The following RABGEF1 variants were observed in gnomAD, a reference collection of about 807,000 sequenced individuals.
RABGEF1 encodes the protein rab5 GDP/GTP exchange factor.
RABGEF1 carries 26 observed loss-of-function variants against 57.3 expected under a neutral mutation model. The ratio of observed to expected loss-of-function variants is 0.45; its 90% CI spans 0.33 to 0.63. The LOEUF (loss-of-function observed/expected upper bound fraction) is 0.63, where lower values mean the gene tolerates loss of function less well. RABGEF1 is among the 20% of genes least tolerant of loss of function. The pLI, the probability that RABGEF1 is intolerant of heterozygous loss-of-function variation, is 0.02. For missense variants in RABGEF1, 464 were observed against 607.6 expected (o/e 0.76, Z 2.48); for synonymous variants, 185 against 210.7 (o/e 0.88, Z 1.06).
the RABGEF1 span, among the ~76,000 whole-genome samples, chr7:66,666,464 G>A: frequency 1.9e-4 from 29 of 152,342 alleles, no homozygotes; most frequent in Non-Finnish European, 3.2e-4. Context: ...AACTGAGGCC[G>A]AAGTGAGCCA....
At chr7:66,708,628 A>G (rs1794413633) in intron 1 of RABGEF1, among the ~76,000 whole-genome samples, 1 of 151,810 alleles carries the variant, frequency 6.6e-6, no homozygotes, top group Non-Finnish European at 1.5e-5. Context: ...ACATAGGGAG[A>G]CTCCATCTCT....
rs534957056 is a variant in RABGEF1, at chr7:66,692,975, G to A, written c.-873+10717G>A. 6.6e-5 allele frequency among the ~76,000 whole-genome samples: 10 copies of A among 152,274 alleles called. 1 individual carries two copies. In the South Asian group the frequency reaches 2.1e-3, roughly 32 times the overall value. On this transcript the variant is annotated intron_variant and NMD_transcript_variant, in intron 1 of 9. Transcript: ENST00000607882. ...AGGCTCAAGGCCCCCCATGCCGGAA[G>A]GGGCTGGCACCTCCCTGCTGGGGAT...
the RABGEF1 span, among the ~76,000 whole-genome samples, chr7:66,667,889 C>T: frequency 6.6e-6 from 1 of 152,154 alleles, no homozygotes; most frequent in Non-Finnish European, 1.5e-5. Flanking sequence ...CCTCTACCTC[C>T]CGGGTTCAAG....
intron 2 of RABGEF1, among the ~76,000 whole-genome samples, chr7:66,725,837 C>A (rs1212446305): frequency 6.6e-6 from 1 of 152,208 alleles, no homozygotes; most frequent in East Asian, 1.9e-4. Context: ...GGGAGTTACA[C>A]CCATGCTTTG....
At chr7:66,790,072 C>T (rs141125871) in intron 4 of RABGEF1, among the ~76,000 whole-genome samples, 37 of 152,326 alleles carry the variant, frequency 2.4e-4, no homozygotes, top group African/African-American at 8.4e-4. Context: ...TGAGGACTTG[C>T]AGCAGATCAG....
At chr7:66,678,155 G>A (rs778027813), upstream of RABGEF1, among the ~76,000 whole-genome samples, 4 of 152,104 alleles carry the variant, frequency 2.6e-5, no homozygotes, top group Non-Finnish European at 4.4e-5. Flanking sequence ...AAAAGGTATG[G>A]CCCTTGCATT....
intron 2 of RABGEF1, among the ~76,000 whole-genome samples, chr7:66,721,758 G>A (rs1796076826): frequency 6.6e-6 from 1 of 152,048 alleles, no homozygotes; most frequent in South Asian, 2.1e-4. Context: ...TCTTGAGCTT[G>A]GCAGTTTGAG....
intron 1 of RABGEF1, among the ~76,000 whole-genome samples, chr7:66,753,646 A>T (rs1801957207): frequency 1.4e-5 from 2 of 141,476 alleles, no homozygotes; most frequent in African/African-American, 5.2e-5. Context: ...CTTCCAGTGG[A>T]TGTCTTCGCA....
the RABGEF1 span, among the ~76,000 whole-genome samples, chr7:66,676,249 C>T: frequency 2.6e-5 from 4 of 152,084 alleles, no homozygotes; most frequent in South Asian, 4.1e-4. Context: ...TGCCACATCA[C>T]TCCAGCCTGG....
intron 2 of RABGEF1, among the ~76,000 whole-genome samples, chr7:66,772,738 C>A (rs185338009): frequency 6.6e-6 from 1 of 151,750 alleles, no homozygotes; most frequent in Admixed American, 6.6e-5. Context: ...GTGAAACCCC[C>A]TCTCTACTAA....
intron 2 of RABGEF1, among the ~76,000 whole-genome samples, chr7:66,727,009 A>G (rs1461573161): frequency 1.3e-5 from 2 of 152,192 alleles, no homozygotes; most frequent in Non-Finnish European, 2.9e-5. Context: ...ATCTCAAAAA[A>G]TAATAAAATA....
chr7:66,773,083 G>GT (rs375110748), intron 2 of RABGEF1, among the ~76,000 whole-genome samples: 43 of 57,768 alleles, frequency 7.4e-4, no homozygotes, highest in South Asian at 2.1e-3. Flanking sequence ...CTAGTTGTTT[G>GT]TTTTTTTTTT....
chr7:66,680,025 G>A (rs1789585570), upstream of RABGEF1, among the ~76,000 whole-genome samples: 1 of 152,142 alleles, frequency 6.6e-6, no homozygotes, highest in South Asian at 2.1e-4. Flanking sequence ...CTGGGCAACA[G>A]TGAGACCATA....
chr7:66,722,582 C>T (rs900050913), intron 2 of RABGEF1, among the ~76,000 whole-genome samples: 4 of 152,124 alleles, frequency 2.6e-5, no homozygotes, highest in Non-Finnish European at 5.9e-5. Flanking sequence ...TCTAAGAAAA[C>T]CATTGCCTAA....
chr7:66,657,618 C>A, the RABGEF1 span, among the ~76,000 whole-genome samples: 1 of 152,112 alleles, frequency 6.6e-6, no homozygotes. Context: ...GTCAGGAGTT[C>A]AAGACCAGTC....
upstream of RABGEF1, among the ~76,000 whole-genome samples, chr7:66,736,465 A>C (rs1797954961): frequency 6.6e-6 from 1 of 152,194 alleles, no homozygotes. Context: ...ATTTTGGGCA[A>C]AGAATACAAT....
At chr7:66,736,791 G>A (rs1459264877), upstream of RABGEF1, among the ~76,000 whole-genome samples, 1 of 152,146 alleles carries the variant, frequency 6.6e-6, no homozygotes, top group Admixed American at 6.6e-5. Flanking sequence ...AACCCAGGAG[G>A]CAGAAGTTGC....
intron 1 of RABGEF1, among the ~76,000 whole-genome samples, chr7:66,763,395 A>G (rs1487871841): frequency 6.6e-6 from 1 of 152,218 alleles, no homozygotes; most frequent in Non-Finnish European, 1.5e-5. Flanking sequence ...GCCAGAAGTC[A>G]TTCTCAGCTT....
chr7:66,673,298 A>G, the RABGEF1 span, among the ~76,000 whole-genome samples: 606 of 151,748 alleles, frequency 4.0e-3, 4 homozygotes, highest in African/African-American at 0.012. Context: ...TATCCCTAGC[A>G]TCCACCGTGA....
Sources: allele counts gnomAD v4.1 joint callset (sites outside exome capture counted in the v4.1 genomes callset), GRCh38; gene constraint gnomAD v4.1.1; transcripts MANE v1.5; gene names NCBI Gene and HGNC (gene_info 2026-07-23, HGNC 2026-07-21).